The following CTNNA3 variants were observed in gnomAD, a reference collection of about 807,000 sequenced individuals.
The protein encoded by CTNNA3 is catenin alpha 3.
Under a neutral mutation model 95.7 loss-of-function variants are expected in CTNNA3, and 76 were observed. The ratio of observed to expected loss-of-function variants is 0.79; its 90% CI spans 0.66 to 0.96. The LOEUF is 0.96. Among genes scored for constraint, CTNNA3 ranks in the 40% least tolerant of loss-of-function variants. The pLI is 0.00. For missense variants in CTNNA3, 1,191 were observed against 1,089.8 expected (o/e 1.09, Z -1.31); for synonymous variants, 431 against 374.4 (o/e 1.15, Z -1.74).
chr10:67,666,349 C>T lies in CTNNA3; in HGVS notation c.-5-18831G>A, dbSNP rs188783984. On this transcript the variant is annotated intron_variant, in intron 1 of 17. Transcript: ENST00000433211. ...GGGGCCAGAGATTCACGTATTTTCC[C>T]CCTACTGCATTCCTTCCCTATGACC... 3.9e-5 allele frequency among the ~76,000 whole-genome samples: 6 copies of T among 152,158 alleles called. No homozygotes were observed. In the East Asian group the frequency reaches 1.2e-3, roughly 29 times the overall value.
chr10:66,927,704 A>G lies in CTNNA3; in HGVS notation c.1048-152180T>C. On this transcript the variant is annotated intron_variant, in intron 7 of 17. Transcript: ENST00000433211. The surrounding 1 kb of genome is among the most constrained non-coding windows in gnomAD (Gnocchi z 4.7). The stretch of plus-strand genomic sequence containing the variant: ...TTACAAAGGCTTGATTTATCAGGCA[A>G]TGAGATCGAAGCTTTCAGTGGACCC... 6.2e-7 allele frequency: 1 copy of G among 1,614,178 alleles called. No homozygotes were observed. The highest frequency in any genetic ancestry group is 8.5e-7 in the Non-Finnish European group (1 of 1,180,038).
At chr10:67,354,372 G>C (rs747017071) in intron 5 of CTNNA3, among the ~76,000 whole-genome samples, 2 of 152,004 alleles carry the variant, frequency 1.3e-5, no homozygotes, top group African/African-American at 2.4e-5. Flanking sequence ...CAACTAAAGT[G>C]ATAAGTACCT....
At chr10:66,875,594 T>G (rs898066575) in intron 7 of CTNNA3, among the ~76,000 whole-genome samples, 13 of 152,022 alleles carry the variant, frequency 8.6e-5, no homozygotes, top group African/African-American at 2.9e-4. Flanking sequence ...TTGGACCATA[T>G]GGAAGGTAGT....
At chr10:67,555,750 T>G (rs1034691118) in intron 3 of CTNNA3, among the ~76,000 whole-genome samples, 2 of 152,192 alleles carry the variant, frequency 1.3e-5, no homozygotes, top group Non-Finnish European at 2.9e-5. Context: ...CTTTATTTCT[T>G]TCTCCTGCCT....
At chr10:67,702,764 A>T (rs980794613) in intron 1 of CTNNA3, among the ~76,000 whole-genome samples, 1 of 152,220 alleles carries the variant, frequency 6.6e-6, no homozygotes, top group Non-Finnish European at 1.5e-5. Context: ...GAAGGCAAGA[A>T]ATAACTAAGA....
chr10:67,347,480 G>A (rs530229075), intron 5 of CTNNA3, among the ~76,000 whole-genome samples: 3 of 152,152 alleles, frequency 2.0e-5, no homozygotes, highest in Non-Finnish European at 4.4e-5. Context: ...TTCAATCATT[G>A]ACAAATATTT....
intron 11 of CTNNA3, among the ~76,000 whole-genome samples, chr10:66,459,754 T>C (rs1484431368): frequency 6.6e-6 from 1 of 152,180 alleles, no homozygotes; most frequent in African/African-American, 2.4e-5. Context: ...GGTAAGTGTT[T>C]ATGCATTTAA....
chr10:66,819,393 G>C (rs1478437655), intron 7 of CTNNA3, among the ~76,000 whole-genome samples: 2 of 151,932 alleles, frequency 1.3e-5, no homozygotes, highest in Admixed American at 1.3e-4. Context: ...ATATTTATAA[G>C]AAAACATTAA....
intron 3 of CTNNA3, among the ~76,000 whole-genome samples, chr10:67,605,571 A>G (rs1843243419): frequency 6.6e-6 from 1 of 152,252 alleles, no homozygotes; most frequent in Non-Finnish European, 1.5e-5. Context: ...ATGTCAATTT[A>G]CTTTATTACA....
chr10:66,589,231 G>C (rs1843465450), intron 10 of CTNNA3, among the ~76,000 whole-genome samples: 1 of 151,736 alleles, frequency 6.6e-6, no homozygotes, highest in Non-Finnish European at 1.5e-5. Flanking sequence ...TCCAGAGAGA[G>C]GGGGATCAAG....
chr10:66,824,670 G>A (rs769793793), intron 7 of CTNNA3, among the ~76,000 whole-genome samples: 28 of 152,124 alleles, frequency 1.8e-4, no homozygotes, highest in Non-Finnish European at 1.0e-4. Flanking sequence ...AAAGCAGACA[G>A]TATGTGGGAA....
At chr10:67,219,501 T>G in intron 6 of CTNNA3, 106 bp downstream of exon 6, 1 of 1,296,490 alleles carries the variant, frequency 7.7e-7, no homozygotes, top group South Asian at 1.7e-5. Context: ...TCTGGATTTT[T>G]TATTTTCTCA....
chr10:66,318,027 G>A lies in CTNNA3; in HGVS notation c.1733-37406C>T, dbSNP rs538380168. 3.0e-3 allele frequency among the ~76,000 whole-genome samples: 458 copies of A among 152,180 alleles called. 4 individuals carry two copies. The highest frequency in any genetic ancestry group is 0.011 in the African/African-American group (444 of 41,544). Reference sequence around the variant, plus strand: ...AAGGTGGAAAGCATTATGGTATGTGGTTGAAAACATTGCTTGAAAGTTTTA... The same window carrying A: ...AAGGTGGAAAGCATTATGGTATGTGATTGAAAACATTGCTTGAAAGTTTTA... On this transcript the variant is annotated intron_variant, in intron 12 of 17. Coordinates refer to ENST00000433211, the MANE Select transcript of CTNNA3 (RefSeq NM_013266.4).
At chr10:66,446,579 GA>G (rs2093423413) in intron 11 of CTNNA3, among the ~76,000 whole-genome samples, 1 of 151,824 alleles carries the variant, frequency 6.6e-6, no homozygotes. Flanking sequence ...AAAACCACAT[GA>G]TTATCTCAAT....
At chr10:66,751,135 G>A (rs1386808606) in intron 9 of CTNNA3, among the ~76,000 whole-genome samples, 6 of 152,028 alleles carry the variant, frequency 3.9e-5, no homozygotes, top group African/African-American at 1.4e-4. Flanking sequence ...AGGCATGGTG[G>A]TGCATGCCTG....
chr10:65,964,479 T>C (rs937354267), intron 17 of CTNNA3, among the ~76,000 whole-genome samples: 3 of 152,184 alleles, frequency 2.0e-5, no homozygotes, highest in African/African-American at 7.2e-5. Context: ...AATTTATCTG[T>C]AATATATGTA....
At chr10:67,542,537 T>A (rs1840713309) in intron 3 of CTNNA3, among the ~76,000 whole-genome samples, 1 of 152,108 alleles carries the variant, frequency 6.6e-6, no homozygotes, top group Admixed American at 6.6e-5. Context: ...AAACATTTGT[T>A]GTTCCCTCTA....
At chr10:67,190,473 A>G (rs759338394) in intron 6 of CTNNA3, among the ~76,000 whole-genome samples, 1 of 151,924 alleles carries the variant, frequency 6.6e-6, no homozygotes, top group Non-Finnish European at 1.5e-5. Flanking sequence ...TGGGGTAGTA[A>G]AGTTTTAATT....
chr10:66,053,025 TAACTAA>T (rs1472341413), intron 15 of CTNNA3, among the ~76,000 whole-genome samples: 1 of 151,600 alleles, frequency 6.6e-6, no homozygotes, highest in Non-Finnish European at 1.5e-5. Context: ...CAAACTACTC[TAACTAA>T]GAGTTCTTGA....
Sources: gnomAD v4.1 joint callset for allele counts (sites outside exome capture counted in the v4.1 genomes callset) on GRCh38, gnomAD v4.1.1 for gene constraint, Gnocchi (gnomAD v3.1) non-coding constraint, MANE v1.5 for transcripts, NCBI Gene and HGNC (gene_info 2026-07-23, HGNC 2026-07-21) for gene names.